Variants in ANK2 observed in about 807,000 individuals in gnomAD.
The protein encoded by ANK2 is ankyrin-2.
ANK2 carries 83 observed loss-of-function variants against 360.5 expected under a neutral mutation model. The ratio of observed to expected loss-of-function variants is 0.23; its 90% CI spans 0.19 to 0.28. ANK2 has a LOEUF of 0.28. Ranked by LOEUF, ANK2 falls within the 10% of genes least tolerant of loss-of-function variation. ANK2 has a pLI of 1.00. For synonymous variants in ANK2, 1,740 were observed against 1,759.5 expected, an observed-to-expected ratio of 0.99 and a Z score of 0.28; for missense variants, 4,201 against 4,795.7, an observed-to-expected ratio of 0.88 and a Z score of 3.66.
intron 2 of ANK2, among the ~76,000 whole-genome samples, chr4:112,976,006 A>G (rs2041262627): frequency 6.6e-6 from 1 of 152,040 alleles, no homozygotes; most frequent in Non-Finnish European, 1.5e-5. Context: ...ATTTTTTTCA[A>G]TTTGAAAATT....
intron 45 of ANK2, among the ~76,000 whole-genome samples, chr4:113,375,815 A>G (rs539103749): frequency 1.1e-4 from 17 of 152,344 alleles, no homozygotes; most frequent in African/African-American, 3.8e-4. Flanking sequence ...CTGAAAACCA[A>G]AACAAATTTT....
intron 2 of ANK2, among the ~76,000 whole-genome samples, chr4:112,943,146 A>G (rs2094344757): frequency 6.6e-6 from 1 of 152,074 alleles, no homozygotes; most frequent in South Asian, 2.1e-4. Context: ...TAAATATGGT[A>G]ATGAACCTCT....
At chr4:113,124,416 C>T (rs192500278) in intron 1 of ANK2, among the ~76,000 whole-genome samples, 1 of 152,178 alleles carries the variant, frequency 6.6e-6, no homozygotes, top group African/African-American at 2.4e-5. Context: ...AGTTATCTCC[C>T]CTAATTCTTC....
intron 1 of ANK2, among the ~76,000 whole-genome samples, chr4:112,822,323 C>G (rs2057342056): frequency 6.8e-6 from 1 of 147,116 alleles, no homozygotes; most frequent in African/African-American, 2.5e-5. Flanking sequence ...GAGACTGAGG[C>G]AGGAGAATCT....
At chr4:113,159,530 A>C (rs2097433849) in intron 1 of ANK2, among the ~76,000 whole-genome samples, 1 of 152,142 alleles carries the variant, frequency 6.6e-6, no homozygotes, top group Non-Finnish European at 1.5e-5. Flanking sequence ...TTATACAATA[A>C]TTAAAGCTTA....
At chr4:112,772,331 C>T in the ANK2 span, among the ~76,000 whole-genome samples, 2 of 152,148 alleles carry the variant, frequency 1.3e-5, no homozygotes, top group Non-Finnish European at 2.9e-5. Flanking sequence ...TTATTTACTA[C>T]TATGAGAACA....
intron 1 of ANK2, among the ~76,000 whole-genome samples, chr4:112,891,882 A>C (rs1368513183): frequency 6.6e-6 from 1 of 152,216 alleles, no homozygotes; most frequent in African/African-American, 2.4e-5. Flanking sequence ...TTAGAATTAA[A>C]GCATAGTTTT....
chr4:112,755,997 T>C, the ANK2 span: 1 of 152,090 alleles, frequency 6.6e-6, no homozygotes, highest in Non-Finnish European at 1.5e-5. Flanking sequence ...CCCAGCACTT[T>C]GGGAGGCTGA....
At chr4:112,744,556 G>T in the ANK2 span, among the ~76,000 whole-genome samples, 1 of 151,756 alleles carries the variant, frequency 6.6e-6, no homozygotes, top group African/African-American at 2.4e-5. Context: ...TACGATGTTG[G>T]CCAGGCTGGT....
chr4:113,139,913 A>G (rs2154383890), intron 1 of ANK2, among the ~76,000 whole-genome samples: 2 of 152,358 alleles, frequency 1.3e-5, no homozygotes, highest in South Asian at 4.1e-4. Context: ...GCTTGGCAAT[A>G]TTCATTTTGA....
At chr4:112,990,654 A>G (rs558920199) in intron 2 of ANK2, among the ~76,000 whole-genome samples, 48 of 152,312 alleles carry the variant, frequency 3.2e-4, no homozygotes, top group African/African-American at 1.0e-3. Flanking sequence ...AATTTTGAGG[A>G]GTATAGTAGA....
chr4:113,012,078 T>C (rs776444460), intron 2 of ANK2, among the ~76,000 whole-genome samples: 7 of 152,118 alleles, frequency 4.6e-5, no homozygotes, highest in Non-Finnish European at 7.4e-5. Flanking sequence ...TTCACTTTAA[T>C]GCCTTTACAC....
At position 112,909,796 on chromosome 4, in the gene ANK2, T is replaced by A. The variant is rs538782692; in HGVS notation, c.21+5282T>A. On this transcript the variant is annotated intron_variant, in intron 2 of 30. Transcript: ENST00000503271. The stretch of plus-strand genomic sequence containing the variant: ...AGAGACTGTGTCGAAGGTATTGGTA[T>A]CTGATAAAAGTGAACAAAGTTCTAA... 3.9e-5 allele frequency among the ~76,000 whole-genome samples: 6 copies of A among 152,346 alleles called. No individual in the cohort carries two copies. The South Asian group carries it at 1.2e-3, about 32-fold the overall frequency.
chr4:113,005,504 T>C (rs2154289391), intron 2 of ANK2, among the ~76,000 whole-genome samples: 1 of 152,260 alleles, frequency 6.6e-6, no homozygotes, highest in African/African-American at 2.4e-5. Flanking sequence ...ATACCACGTG[T>C]CCTCACTCAT....
At chr4:113,235,522 G>A (rs867727499) in intron 5 of ANK2, among the ~76,000 whole-genome samples, 1 of 152,248 alleles carries the variant, frequency 6.6e-6, no homozygotes, top group Admixed American at 6.5e-5. Context: ...ATGCAGTCCT[G>A]GGTTCAAGCA....
intron 1 of ANK2, among the ~76,000 whole-genome samples, chr4:113,141,835 G>A (rs1467498253): frequency 6.6e-6 from 1 of 152,198 alleles, no homozygotes; most frequent in Non-Finnish European, 1.5e-5. Flanking sequence ...AAAGCTGAGA[G>A]GCTAGCCTTT....
Position 113,143,732 on chromosome 4 carries a change from C to G in ANK2, c.85-30684C>G, listed in dbSNP as rs1192001475. On this transcript the variant is annotated intron_variant, in intron 1 of 45. Transcript: ENST00000357077. ...AGACTTTGTGGACCACAGACCTTCT[C>G]CAAGTTCTAAGAACCTTATAGAAGG... is the stretch of plus-strand genomic sequence containing the variant. 3.3e-5 allele frequency among the ~76,000 whole-genome samples: 5 copies of G among 152,084 alleles called. No homozygotes were observed. The East Asian group carries it at 9.6e-4, about 29-fold the overall frequency.
intron 1 of ANK2, among the ~76,000 whole-genome samples, chr4:113,107,166 A>G (rs1421172230): frequency 6.6e-6 from 1 of 152,176 alleles, no homozygotes; most frequent in Non-Finnish European, 1.5e-5. Context: ...TTTCTCAAGC[A>G]CACATGCTCA....
Position 112,948,040 on chromosome 4 carries a change from T to C in ANK2, c.21+43526T>C, listed in dbSNP as rs115544584. On this transcript the variant is annotated intron_variant, in intron 2 of 30. Coordinates refer to the ANK2 transcript ENST00000503271. Reference sequence around the variant, plus strand: ...CCCCTGCCATTTTGTAATATGCGCTTCCTAATGTATACATGCAAACCCACA... The same window carrying C: ...CCCCTGCCATTTTGTAATATGCGCTCCCTAATGTATACATGCAAACCCACA... 5.4e-3 allele frequency among the ~76,000 whole-genome samples: 822 copies of C among 152,364 alleles called. 9 individuals carry two copies. Among genetic ancestry groups the C allele is most frequent in the African/African-American group, 0.019 (786 of 41,590 alleles).
Sources: allele counts gnomAD v4.1 joint callset (sites outside exome capture counted in the v4.1 genomes callset), GRCh38; gene constraint gnomAD v4.1.1; transcripts MANE v1.5; gene names NCBI Gene and HGNC (gene_info 2026-07-23, HGNC 2026-07-21).